Variants in CALN1 observed in about 807,000 individuals in gnomAD.
The protein encoded by CALN1 is calneuron 1, also known as calcium-binding protein 8.
In CALN1, 17 loss-of-function variants were observed where a neutral mutation model predicts 30.6. The ratio of observed to expected loss-of-function variants is 0.56; its 90% CI spans 0.38 to 0.83. The LOEUF (loss-of-function observed/expected upper bound fraction) is 0.83. CALN1 is among the 40% of genes least tolerant of loss of function. The pLI, the probability that CALN1 is intolerant of heterozygous loss-of-function variation, is 0.00. For synonymous variants in CALN1, 156 were observed against 131.4 expected, an observed-to-expected ratio of 1.19 and a Z score of -1.28; for missense variants, 291 against 354.9, an observed-to-expected ratio of 0.82 and a Z score of 1.45.
intron 3 of CALN1, among the ~76,000 whole-genome samples, chr7:72,197,178 C>CTTTTTTTTTTTTTTTTTTTT (rs386410439): frequency 1.6e-5 from 1 of 64,208 alleles, no homozygotes; most frequent in Admixed American, 2.9e-4. Flanking sequence ...GGAAGGTTTG[C>CTTTTTTTTTTTTTTTTTTTT]TTTTTTTTTT....
intron 3 of CALN1, among the ~76,000 whole-genome samples, chr7:72,203,556 C>T (rs55897432): frequency 0.071 from 10,812 of 152,106 alleles, 528 homozygotes; most frequent in Non-Finnish European, 0.1. Flanking sequence ...CTTCCAGAAA[C>T]CAGAAACCAT....
intron 3 of CALN1, among the ~76,000 whole-genome samples, chr7:72,185,931 A>T (rs1222719074): frequency 6.6e-6 from 1 of 152,190 alleles, no homozygotes; most frequent in African/African-American, 2.4e-5. Context: ...TAAATTGCCC[A>T]GTCTCAGGTG....
At chr7:72,123,976 C>G (rs1808568251) in intron 3 of CALN1, among the ~76,000 whole-genome samples, 1 of 152,188 alleles carries the variant, frequency 6.6e-6, no homozygotes, top group Non-Finnish European at 1.5e-5. Flanking sequence ...TCCCAGCCCT[C>G]TGATATCAAA....
At chr7:72,460,172 T>C in the CALN1 span, among the ~76,000 whole-genome samples, 1 of 152,132 alleles carries the variant, frequency 6.6e-6, no homozygotes, top group African/African-American at 2.4e-5. Flanking sequence ...AAGCCATCCA[T>C]GAGGGATCTG....
Position 71,902,941 on chromosome 7 carries a change from A to G in CALN1, c.502-92449T>C, listed in dbSNP as rs561985012. 8.5e-5 allele frequency among the ~76,000 whole-genome samples: 13 copies of G among 152,210 alleles called. No individual in the cohort carries two copies. In the South Asian group the frequency reaches 2.7e-3, roughly 32 times the overall value. ...AAACAGTGTATACACATGGACATAGAGAGTAGAATAGTAGACATTGGAAGC... is the reference window on the plus strand; with the variant it reads ...AAACAGTGTATACACATGGACATAGGGAGTAGAATAGTAGACATTGGAAGC... On this transcript the variant is annotated intron_variant, in intron 5 of 6. Transcript: ENST00000395275.
At chr7:71,979,389 T>C (rs145747624) in intron 5 of CALN1, among the ~76,000 whole-genome samples, 1 of 152,296 alleles carries the variant, frequency 6.6e-6, no homozygotes, top group East Asian at 1.9e-4. Flanking sequence ...CAGTCTCATC[T>C]GGGGGTGATG....
chr7:72,302,905 A>AAAAAAAAAAAAAAAAAAAG (rs1799383406), intron 2 of CALN1, among the ~76,000 whole-genome samples: 1 of 149,986 alleles, frequency 6.7e-6, no homozygotes, highest in African/African-American at 2.4e-5. Context: ...AAAAAAAAAA[A>AAAAAAAAAAAAAAAAAAAG]AAAAAAAAAA....
chr7:72,122,393 C>G (rs995373980), intron 3 of CALN1, among the ~76,000 whole-genome samples: 2 of 152,072 alleles, frequency 1.3e-5, no homozygotes, highest in African/African-American at 4.8e-5. Context: ...GCAACTCTCT[C>G]AGGCATGGCA....
intron 2 of CALN1, among the ~76,000 whole-genome samples, chr7:72,400,757 G>C (rs117449388): frequency 0.039 from 5,979 of 152,234 alleles, 177 homozygotes; most frequent in Non-Finnish European, 0.06. Flanking sequence ...TAATCCCAAA[G>C]CTGCACCTCT....
chr7:71,840,632 G>A (rs1789885534), intron 5 of CALN1, among the ~76,000 whole-genome samples: 1 of 152,088 alleles, frequency 6.6e-6, no homozygotes, highest in Non-Finnish European at 1.5e-5. Flanking sequence ...TGACTGTATG[G>A]CTGGGCTCTC....
At chr7:72,392,358 G>C (rs1383687016) in intron 2 of CALN1, among the ~76,000 whole-genome samples, 1 of 152,156 alleles carries the variant, frequency 6.6e-6, no homozygotes, top group Non-Finnish European at 1.5e-5. Context: ...CCCGAGTTTG[G>C]GGCGGTTTAT....
chr7:72,205,551 A>ATATATATACATACATATATATATATATAT (rs1554319582), intron 3 of CALN1, among the ~76,000 whole-genome samples: 1 of 83,052 alleles, frequency 1.2e-5, no homozygotes, highest in African/African-American at 7.5e-5. Flanking sequence ...GCAAAAAAAA[A>ATATATATACATACATATATATATATATAT]ATATATATAT....
chr7:72,160,572 C>T (rs1192861886), intron 3 of CALN1, among the ~76,000 whole-genome samples: 1 of 152,180 alleles, frequency 6.6e-6, no homozygotes, highest in Non-Finnish European at 1.5e-5. Flanking sequence ...AGCTACCATG[C>T]CCAGCCAGAA....
At chr7:72,320,771 G>C (rs572952986) in intron 2 of CALN1, among the ~76,000 whole-genome samples, 70 of 149,730 alleles carry the variant, frequency 4.7e-4, no homozygotes, top group African/African-American at 1.7e-3. Context: ...GGAGGCGGAG[G>C]TTGCAGTGAG....
At chr7:72,252,875 AC>A (rs1325611604) in intron 3 of CALN1, among the ~76,000 whole-genome samples, 1 of 152,212 alleles carries the variant, frequency 6.6e-6, no homozygotes, top group Non-Finnish European at 1.5e-5. Flanking sequence ...TGCATCCTGG[AC>A]CTTAAAACTG....
chr7:72,262,451 A>C (rs537345588), intron 3 of CALN1, among the ~76,000 whole-genome samples: 1 of 152,294 alleles, frequency 6.6e-6, no homozygotes, highest in Admixed American at 6.5e-5. Flanking sequence ...ACCATCACCC[A>C]AACAGTTAAC....
At chr7:72,159,485 G>A (rs1255847764) in intron 3 of CALN1, among the ~76,000 whole-genome samples, 1 of 152,026 alleles carries the variant, frequency 6.6e-6, no homozygotes, top group Non-Finnish European at 1.5e-5. Context: ...GGGCAACAGA[G>A]CGAGACCCTG....
At position 72,201,955 on chromosome 7, in the gene CALN1, C is replaced by T. The variant is rs532714248; in HGVS notation, c.244+76731G>A. Among the ~76,000 whole-genome samples the T allele has an allele frequency of 1.1e-4, 17 of 152,180 alleles. No individual in the cohort carries two copies. In the South Asian group the frequency reaches 2.3e-3, roughly 20 times the overall value. On this transcript the variant is annotated intron_variant, in intron 3 of 6. Transcript: ENST00000395275. ...GGACAGACCTTGCTTTGAAATAAAG[C>T]GGGAAACTGACATGGAGATGCGTAA... is the stretch of plus-strand genomic sequence containing the variant.
At chr7:72,300,313 T>A (rs562343878) in intron 2 of CALN1, among the ~76,000 whole-genome samples, 1 of 152,294 alleles carries the variant, frequency 6.6e-6, no homozygotes, top group East Asian at 1.9e-4. Flanking sequence ...TTCTGGCCCT[T>A]TGACCCTGTA....
Sources: gnomAD v4.1 joint callset for allele counts (sites outside exome capture counted in the v4.1 genomes callset) on GRCh38, gnomAD v4.1.1 for gene constraint, MANE v1.5 for transcripts, NCBI Gene and HGNC (gene_info 2026-07-23, HGNC 2026-07-21) for gene names.